The following EFCAB8 variants were observed in gnomAD, a reference collection of about 807,000 sequenced individuals.
EFCAB8 encodes the protein EF-hand calcium binding domain 8, also known as EF-hand calcium-binding domain-containing protein 8.
A neutral mutation model predicts 116.3 loss-of-function variants in EFCAB8; 100 were observed. That is an observed-to-expected ratio of 0.86 (90% CI 0.73 to 1.02). EFCAB8 has a LOEUF of 1.02. Ranked by LOEUF, EFCAB8 falls within the 50% of genes least tolerant of loss-of-function variation. The pLI is 0.00. For synonymous variants in EFCAB8, 558 were observed against 567.9 expected, an observed-to-expected ratio of 0.98 and a Z score of 0.25; for missense variants, 1,320 against 1,416.9, an observed-to-expected ratio of 0.93 and a Z score of 1.10.
Position 32,912,755 on chromosome 20 carries a change from G to A in EFCAB8, c.1786-39G>A, listed in dbSNP as rs373754312. On this transcript the variant is annotated intron_variant, in intron 16 of 26. Transcript: ENST00000400522. ...TTTAGGGCCCAGAGCCATTTTCTCT[G>A]ATAAGTTTTCTAGTTCTGTTTTCTT... The A allele has an allele frequency of 3.4e-4, 245 of 717,738 alleles. 5 individuals are homozygous for A. In the African/African-American group the frequency reaches 3.9e-3, roughly 11 times the overall value. The allele number at this position is 717,738 out of a possible 1,614,324, so 44.5% of individuals were successfully genotyped here.
chr20:32,859,166 A>G (rs1394379974), intron 1 of EFCAB8, among the ~76,000 whole-genome samples, 160 bp downstream of exon 1: 1 of 152,156 alleles, frequency 6.6e-6, no homozygotes, highest in East Asian at 1.9e-4. Context: ...AAATTCGTAC[A>G]AACCACTCGT....
chr20:32,932,354 G>A (rs1423965249), intron 22 of EFCAB8, among the ~76,000 whole-genome samples: 5 of 148,678 alleles, frequency 3.4e-5, no homozygotes, highest in Non-Finnish European at 7.4e-5. Context: ...TCCAGCCTGG[G>A]CGACAGCGTG....
chr20:32,933,057 T>C (rs6058962), intron 22 of EFCAB8, among the ~76,000 whole-genome samples: 104,437 of 151,992 alleles, frequency 0.69, 36,737 homozygotes, highest in African/African-American at 0.78. Flanking sequence ...GGTGATAGTA[T>C]ATTATATATG....
At chr20:32,949,318 T>A (rs1012724422) in intron 23 of EFCAB8, among the ~76,000 whole-genome samples, 1 of 152,208 alleles carries the variant, frequency 6.6e-6, no homozygotes, top group African/African-American at 2.4e-5. Context: ...GGTAGAAGAC[T>A]CTCTGATTAA....
chr20:32,882,888 G>C (rs1985412947), intron 5 of EFCAB8, among the ~76,000 whole-genome samples: 1 of 152,040 alleles, frequency 6.6e-6, no homozygotes, highest in Admixed American at 6.6e-5. Context: ...GTAGAGACGG[G>C]GTTTCACCAT....
Position 32,892,208 on chromosome 20 carries a change from C to G in EFCAB8, c.674-5C>G. 1 of 1,551,578 alleles carries G rather than the reference C, an allele frequency of 6.4e-7. No homozygotes were observed. Among genetic ancestry groups the G allele is most frequent in the Non-Finnish European group, 8.7e-7 (1 of 1,146,914 alleles). On this transcript the variant is annotated splice_region_variant and splice_polypyrimidine_tract_variant and intron_variant, in intron 7 of 26. Coordinates refer to ENST00000400522, the MANE Select transcript of EFCAB8 (RefSeq NM_001143967.2). The stretch of plus-strand genomic sequence containing the variant: ...GCTCTATGTGGCCTTCTGTCTTTCC[C>G]CCAGATTTCTTTGATATTAGTGACC...
At chr20:32,884,418 T>G (rs1468768953) in intron 5 of EFCAB8, among the ~76,000 whole-genome samples, 1 of 152,170 alleles carries the variant, frequency 6.6e-6, no homozygotes. Context: ...CTGCACAGTC[T>G]TTGGCCCTGA....
chr20:32,896,218 A>G (rs1315698131), intron 9 of EFCAB8, among the ~76,000 whole-genome samples: 1 of 152,188 alleles, frequency 6.6e-6, no homozygotes, highest in East Asian at 1.9e-4. Flanking sequence ...TAGTTCTGCC[A>G]TGCACTGGCA....
intron 3 of EFCAB8, among the ~76,000 whole-genome samples, chr20:32,875,314 A>G: frequency 6.6e-6 from 1 of 151,932 alleles, no homozygotes; most frequent in African/African-American, 2.4e-5. Flanking sequence ...CTGAGATGTG[A>G]GGAGGGGAGA....
intron 6 of EFCAB8, among the ~76,000 whole-genome samples, chr20:32,888,861 C>T (rs925714612): frequency 2.0e-5 from 3 of 151,908 alleles, no homozygotes; most frequent in African/African-American, 7.3e-5. Flanking sequence ...GCTGCAGTGT[C>T]CCCTTTGAGT....
At chr20:32,886,526 T>C (rs2088563024) in intron 6 of EFCAB8, among the ~76,000 whole-genome samples, 1 of 152,140 alleles carries the variant, frequency 6.6e-6, no homozygotes, top group African/African-American at 2.4e-5. Flanking sequence ...TCAGGGCTCA[T>C]CCTTTGGGGA....
At position 32,935,192 on chromosome 20, in the gene EFCAB8, C is replaced by CTTTTTTTTTTTT. The variant is rs753039647; in HGVS notation, c.2790+3870_2790+3881dup. Reference sequence around the variant, plus strand: ...TTCTCTTTTCTTTCTTTCTTTCTTTCTTTTTTTTTTTTTTTTTTTTTTTTT... The same window carrying CTTTTTTTTTTTT: ...TTCTCTTTTCTTTCTTTCTTTCTTTCTTTTTTTTTTTTTTTTTTTTTTTTTTTTTTTTTTTTT... On this transcript the variant is annotated intron_variant, in intron 22 of 26. Coordinates refer to ENST00000400522, the MANE Select transcript of EFCAB8 (RefSeq NM_001143967.2). 5.3e-3 allele frequency among the ~76,000 whole-genome samples: 179 copies of CTTTTTTTTTTTT among 34,046 alleles called. 3 individuals are homozygous for CTTTTTTTTTTTT. Among genetic ancestry groups the CTTTTTTTTTTTT allele is most frequent in the Admixed American group, 6.5e-3 (14 of 2,158 alleles). The allele number at this position is 34,046 out of a possible 152,430, so 22.3% of individuals were successfully genotyped here. A position where few individuals can be genotyped will look rare whatever the true frequency, so the allele number is the denominator to read the frequency against.
At chr20:32,943,842 C>T (rs1036164977) in intron 23 of EFCAB8, 38 bp downstream of exon 23, 3 of 416,460 alleles carry the variant, frequency 7.2e-6, no homozygotes, top group Non-Finnish European at 1.3e-5. Context: ...GCCCATGGCC[C>T]TTCTTGTCTC....
chr20:32,867,494 A>G, intron 2 of EFCAB8, 88 bp from the exon 3 acceptor site: 1 of 1,400,426 alleles, frequency 7.1e-7, no homozygotes, highest in Non-Finnish European at 9.6e-7. Context: ...TTCTTTCTCA[A>G]AGAGTCTCTC....
At chr20:32,918,758 A>G (rs575021368) in intron 19 of EFCAB8, among the ~76,000 whole-genome samples, 184 bp downstream of exon 19, 8 of 152,290 alleles carry the variant, frequency 5.3e-5, no homozygotes, top group Admixed American at 2.6e-4. Context: ...GTCCCAATGT[A>G]TCTATCCTGG....
intron 4 of EFCAB8, 134 bp downstream of exon 4, chr20:32,876,178 G>A: frequency 3.9e-6 from 3 of 759,520 alleles, no homozygotes; most frequent in Non-Finnish European, 6.5e-6. Context: ...GGCCCCAGTC[G>A]GGGGACTTGC....
intron 11 of EFCAB8, among the ~76,000 whole-genome samples, chr20:32,904,633 G>C (rs1262420832): frequency 6.9e-6 from 1 of 144,984 alleles, no homozygotes; most frequent in African/African-American, 2.6e-5. Context: ...TTAAGGCGGT[G>C]GCGGGGTGGG....
chr20:32,898,306 G>T, intron 10 of EFCAB8, 187 bp from the exon 11 acceptor site: 1 of 531,330 alleles, frequency 1.9e-6, no homozygotes, highest in Non-Finnish European at 3.4e-6. Context: ...ACGAGAGATG[G>T]CCAGTGCTGG....
intron 22 of EFCAB8, among the ~76,000 whole-genome samples, chr20:32,932,439 A>G (rs761070500): frequency 2.6e-5 from 4 of 152,210 alleles, no homozygotes; most frequent in South Asian, 2.1e-4. Context: ...TCATACATCA[A>G]TGAAAGTTTT....
Sources: allele counts gnomAD v4.1 joint callset (sites outside exome capture counted in the v4.1 genomes callset), GRCh38; gene constraint gnomAD v4.1.1; transcripts MANE v1.5; gene names NCBI Gene and HGNC (gene_info 2026-07-23, HGNC 2026-07-21).